Variants in OCSTAMP observed in about 807,000 individuals in gnomAD.
OCSTAMP encodes osteoclast stimulatory transmembrane protein.
A neutral mutation model predicts 25.2 loss-of-function variants in OCSTAMP; 17 were observed. The observed-to-expected ratio is 0.68, with a 90% confidence interval of 0.46 to 1.01. The LOEUF (loss-of-function observed/expected upper bound fraction) is 1.01, where lower values mean the gene tolerates loss of function less well. Among genes scored for constraint, OCSTAMP ranks in the 50% least tolerant of loss-of-function variants. The pLI is 0.00. For synonymous variants in OCSTAMP, 345 were observed against 318.9 expected (o/e 1.08, Z -0.87); for missense variants, 664 against 694.6 (o/e 0.96, Z 0.50).
At chr20:46,543,295 C>A (rs1403533189) in intron 2 of OCSTAMP, among the ~76,000 whole-genome samples, 2 of 90,336 alleles carry the variant, frequency 2.2e-5, no homozygotes, top group Non-Finnish European at 4.4e-5. Flanking sequence ...TTCTTTCTCT[C>A]TTTCTCTTTC....
At chr20:46,544,166 C>T (rs971460113) in intron 2 of OCSTAMP, among the ~76,000 whole-genome samples, 2 of 152,196 alleles carry the variant, frequency 1.3e-5, no homozygotes, top group African/African-American at 2.4e-5. Flanking sequence ...TTACAGTGAG[C>T]TGTGATTGCA....
Position 46,545,436 on chromosome 20 carries a change from G to A in OCSTAMP, c.938C>T (p.Thr313Met), listed in dbSNP as rs751853340. ...LGLLALLLVA[T>M]AVAVATDHVA... The stretch of plus-strand genomic sequence containing the variant: ...ATGGTCTGTGGCCACCGCCACAGCC[G>A]TGGCCACGAGGAGCAGGGCAAGCAG... The change falls in exon 2 of 3, where the codon ACG becomes ATG. Residue 313 changes from threonine to methionine, a missense_variant. Transcript: ENST00000279028. 72 of 1,550,834 alleles carry A rather than the reference G, an allele frequency of 4.6e-5. No individual in the cohort carries two copies. The Middle Eastern group carries it at 5.0e-4, about 11-fold the overall frequency.
At position 46,545,910 on chromosome 20, in the gene OCSTAMP, C is replaced by T. The variant is rs2061850478; in HGVS notation, c.464G>A (p.Gly155Asp). 6.4e-7 allele frequency: 1 copy of T among 1,551,310 alleles called. No individual in the cohort carries two copies. The highest frequency in any genetic ancestry group is 8.7e-7 in the Non-Finnish European group (1 of 1,146,986). Residue 155 changes from glycine to aspartate, a missense_variant, in exon 2 of 3, where the codon GGC becomes GAC. Gly to Asp is a moderately conservative substitution (Grantham distance 94). Coordinates refer to ENST00000279028, the MANE Select transcript of OCSTAMP (RefSeq NM_080721.3). Reference sequence around the variant, plus strand: ...GGTATTGAGGAGACTCTCCAGGGAGCCCTCGGTGACACACCTCAGCACCTG... The same window carrying T: ...GGTATTGAGGAGACTCTCCAGGGAGTCCTCGGTGACACACCTCAGCACCTG... ...AGQVLRCVTEGSLESLLNTTH... is the reference protein window; with the variant it reads ...AGQVLRCVTEDSLESLLNTTH...
intron 2 of OCSTAMP, among the ~76,000 whole-genome samples, chr20:46,543,183 C>CCT (rs1026924378): frequency 1.3e-4 from 20 of 151,152 alleles, no homozygotes; most frequent in African/African-American, 2.7e-4. Context: ...TTCGTCCCTC[C>CCT]CTCTCTCTCT....
chr20:46,545,828 G>T lies in OCSTAMP; in HGVS notation c.546C>A (p.Ser182Arg). The T allele has an allele frequency of 1.3e-6, 2 of 1,551,270 alleles. No homozygotes were observed. Among genetic ancestry groups the T allele is most frequent in the Non-Finnish European group, 1.7e-6 (2 of 1,146,992 alleles). Residue 182 changes from serine (S) to arginine (R), a missense_variant, in exon 2 of 3, where the codon AGC becomes AGA. Transcript: ENST00000279028. ...RALGPTGQAG[S>R]RGLTFEAQDN... ...CCTGGGCCTCAAATGTCAGGCCCCGGCTGCCTGCCTGGCCTGTGGGGCCCA... is the reference window on the plus strand; with the variant it reads ...CCTGGGCCTCAAATGTCAGGCCCCGTCTGCCTGCCTGGCCTGTGGGGCCCA...
chr20:46,541,680 G>C lies in OCSTAMP; in HGVS notation c.1295C>G (p.Ser432Cys). 1 of 1,550,368 alleles carries C rather than the reference G, an allele frequency of 6.5e-7. No homozygotes were observed. The change falls in exon 3 of 3, where the codon TCC becomes TGC. Residue 432 changes from serine (S) to cysteine (C), a missense_variant. Transcript: ENST00000279028. ...ARRLRHAIAA[S>C]FFTAQEARRV... ...CCTCGCCTCCTGGGCTGTGAAGAAGGAAGCGGCGATGGCATGCCGCAGGCG... is the reference window on the plus strand; with the variant it reads ...CCTCGCCTCCTGGGCTGTGAAGAAGCAAGCGGCGATGGCATGCCGCAGGCG...
chr20:46,546,248 T>C lies in OCSTAMP; in HGVS notation c.126A>G (p.Pro42=). 1.3e-6 allele frequency: 2 copies of C among 1,551,156 alleles called. No homozygotes were observed. Among genetic ancestry groups the C allele is most frequent in the South Asian group, 1.2e-5 (1 of 84,050 alleles). Residue 42 remains proline (P), a synonymous_variant, in exon 2 of 3, where the codon CCA becomes CCG. Coordinates refer to ENST00000279028, the MANE Select transcript of OCSTAMP (RefSeq NM_080721.3). ...AAWDAFSQPV[P]ASCGQLLTQL... ...GGGTCAGCAGCTGGCCACAGCTGGC[T>C]GGAACAGGCTGGGAGAAGGCGTCCC...
At chr20:46,547,439 G>T (rs2061856633) in intron 1 of OCSTAMP, among the ~76,000 whole-genome samples, 1 of 152,188 alleles carries the variant, frequency 6.6e-6, no homozygotes, top group Non-Finnish European at 1.5e-5. Flanking sequence ...GACATCCAAG[G>T]ACATGCCTCA....
chr20:46,541,871 C>T lies in OCSTAMP; in HGVS notation c.1104G>A (p.Glu368=). The part of the protein sequence containing the change: ...IPFLFNQLAP[E]SPFLSVHSSY... The stretch of plus-strand genomic sequence containing the variant: ...AGCTGTGGACGGAGAGGAAGGGGCT[C>T]TCCGGAGCCAGCTGGTTGAAGAGGA... Residue 368 remains glutamate (E), a synonymous_variant, in exon 3 of 3, where the codon GAG becomes GAA. Coordinates refer to ENST00000279028, the MANE Select transcript of OCSTAMP (RefSeq NM_080721.3). 1 of 1,464,828 alleles carries T rather than the reference C, an allele frequency of 6.8e-7. No individual in the cohort carries two copies. Among genetic ancestry groups the T allele is most frequent in the Non-Finnish European group, 9.0e-7 (1 of 1,112,352 alleles). 90.7% of individuals were successfully genotyped at this position (1,464,828 alleles called of 1,614,324 possible). A position where few individuals can be genotyped will look rare whatever the true frequency, so the allele number is the denominator to read the frequency against.
chr20:46,541,747 G>T lies in OCSTAMP; in HGVS notation c.1228C>A (p.Leu410Ile). 1 of 1,543,918 alleles carries T rather than the reference G, an allele frequency of 6.5e-7. No homozygotes were observed. Reference protein sequence around the residue: ...AAPLAAGALQLLAGSTVLLEA... With the variant: ...AAPLAAGALQILAGSTVLLEA... The stretch of plus-strand genomic sequence containing the variant: ...AGGAGCACCGTGGAGCCCGCCAGGA[G>T]CTGCAGGGCCCCCGCGGCCAGCGGG... Residue 410 changes from leucine to isoleucine, a missense_variant, in exon 3 of 3, where the codon CTC (leucine) becomes ATC (isoleucine). Physicochemically the swap from Leu to Ile is conservative, Grantham distance 5 (BLOSUM62 2). Coordinates refer to ENST00000279028, the MANE Select transcript of OCSTAMP (RefSeq NM_080721.3).
In OCSTAMP at chr20:46,545,858, C is replaced by T. The variant is rs1231491364; in HGVS notation, c.516G>A (p.Arg172=). The part of the protein sequence containing the change: ...NTTHQLHAAS[R]ALGPTGQAGS... Reference sequence around the variant, plus strand: ...CTGCCTGGCCTGTGGGGCCCAGAGCCCTGGATGCTGCATGCAGCTGGTGAG... The same window carrying T: ...CTGCCTGGCCTGTGGGGCCCAGAGCTCTGGATGCTGCATGCAGCTGGTGAG... The change falls in exon 2 of 3, where the codon AGG becomes AGA. Residue 172 remains arginine, a synonymous_variant. Transcript: ENST00000279028. The T allele has an allele frequency of 6.4e-7, 1 of 1,551,348 alleles. No homozygotes were observed. The highest frequency in any genetic ancestry group is 8.7e-7 in the Non-Finnish European group (1 of 1,146,986).
Position 46,545,618 on chromosome 20 carries a change from C to G in OCSTAMP, c.756G>C (p.Leu252=), listed in dbSNP as rs2061849160. 1 of 1,551,610 alleles carries G rather than the reference C, an allele frequency of 6.4e-7. No individual in the cohort carries two copies. Among genetic ancestry groups the G allele is most frequent in the African/African-American group, 1.4e-5 (1 of 73,048 alleles). The change falls in exon 2 of 3, where the codon CTG becomes CTC. Residue 252 remains leucine (L), a synonymous_variant. Transcript: ENST00000279028. The part of the protein sequence containing the change: ...AWYLHCYLTD[L]RFDNIYATQQ... ...GAGTGGCGTAGATATTGTCAAACCG[C>G]AGGTCTGTCAGGTAGCAATGGAGGT...
Position 46,550,553 on chromosome 20 carries a change from C to G in OCSTAMP, c.8G>C (p.Gly3Ala). The change falls in exon 1 of 3, where the codon GGC becomes GCC. Residue 3 changes from glycine to alanine, a missense_variant. Transcript: ENST00000279028. Reference sequence around the variant, plus strand: ...AAGTTGCTCAGCTGCTCCTGGGTGGCCTGGCATGCTGTCCAAATGGCAGTG... The same window carrying G: ...AAGTTGCTCAGCTGCTCCTGGGTGGGCTGGCATGCTGTCCAAATGGCAGTG... The part of the protein sequence containing the change: MP[G>A]HPGAAEQLVK... 2 of 1,551,670 alleles carry G rather than the reference C, an allele frequency of 1.3e-6. No individual in the cohort carries two copies. Among genetic ancestry groups the G allele is most frequent in the Non-Finnish European group, 1.7e-6 (2 of 1,146,960 alleles).
At chr20:46,546,617 A>G (rs745557188) in intron 1 of OCSTAMP, among the ~76,000 whole-genome samples, 3 of 152,188 alleles carry the variant, frequency 2.0e-5, no homozygotes, top group Non-Finnish European at 4.4e-5. Flanking sequence ...TGAGTCCATT[A>G]TTACAGTTTT....
Position 46,541,797 on chromosome 20 carries a change from G to A in OCSTAMP, c.1178C>T (p.Pro393Leu), listed in dbSNP as rs758104696. 3.4e-6 allele frequency: 5 copies of A among 1,490,508 alleles called. No homozygotes were observed. The highest frequency in any genetic ancestry group is 4.4e-6 in the Non-Finnish European group (5 of 1,124,154). 92.3% of individuals were successfully genotyped at this position (1,490,508 alleles called of 1,614,324 possible). The change falls in exon 3 of 3, where the codon CCC (proline) becomes CTC (leucine). Residue 393 changes from proline (P) to leucine (L), a missense_variant. Transcript: ENST00000279028. Reference protein sequence around the residue: ...RLTSARCPLLPARRPRAAAPL... With the variant: ...RLTSARCPLLLARRPRAAAPL... Reference sequence around the variant, plus strand: ...GGCAGCTGCGCGGGGACGCCGGGCGGGTAGCAGTGGGCAGCGGGCGGAGGT... The same window carrying A: ...GGCAGCTGCGCGGGGACGCCGGGCGAGTAGCAGTGGGCAGCGGGCGGAGGT...
chr20:46,546,038 G>T lies in OCSTAMP; in HGVS notation c.336C>A (p.Thr112=), dbSNP rs934763384. 1.3e-6 allele frequency: 2 copies of T among 1,551,550 alleles called. No individual in the cohort carries two copies. The highest frequency in any genetic ancestry group is 2.7e-5 in the African/African-American group (2 of 73,176). Residue 112 remains threonine, a synonymous_variant, in exon 2 of 3, where the codon ACC becomes ACA. Transcript: ENST00000279028. ...GCCGGCGGCCCTGCTCCATACCCAGGGTGGGCACGCTGAGTGCAAACAGGC... is the reference window on the plus strand; with the variant it reads ...GCCGGCGGCCCTGCTCCATACCCAGTGTGGGCACGCTGAGTGCAAACAGGC... ...VRCLFALSVP[T]LGMEQGRRLL... is the part of the protein sequence containing the mutation.
At chr20:46,549,688 G>A (rs2061864284) in intron 1 of OCSTAMP, among the ~76,000 whole-genome samples, 1 of 152,100 alleles carries the variant, frequency 6.6e-6, no homozygotes, top group Non-Finnish European at 1.5e-5. Flanking sequence ...ATAGGGAGTT[G>A]GGAGAACCAG....
chr20:46,549,654 G>C (rs2061864180), intron 1 of OCSTAMP, among the ~76,000 whole-genome samples: 2 of 152,114 alleles, frequency 1.3e-5, no homozygotes, highest in Non-Finnish European at 2.9e-5. Context: ...GTGTGCAAAG[G>C]TCCTGTGCTC....
At position 46,545,912 on chromosome 20, in the gene OCSTAMP, C is replaced by G. The variant is rs1284344892; in HGVS notation, c.462G>C (p.Glu154Asp). 1.3e-6 allele frequency: 2 copies of G among 1,551,354 alleles called. No homozygotes were observed. The highest frequency in any genetic ancestry group is 1.7e-6 in the Non-Finnish European group (2 of 1,146,992). Residue 154 changes from glutamate (E) to aspartate (D), a missense_variant, in exon 2 of 3, where the codon GAG becomes GAC. Physicochemically the swap from Glu to Asp is conservative, Grantham distance 45. Transcript: ENST00000279028. ...AAGQVLRCVT[E>D]GSLESLLNTT... ...TATTGAGGAGACTCTCCAGGGAGCC[C>G]TCGGTGACACACCTCAGCACCTGCC... is the stretch of plus-strand genomic sequence containing the variant.
Sources: allele counts gnomAD v4.1 joint callset (sites outside exome capture counted in the v4.1 genomes callset), GRCh38; gene constraint gnomAD v4.1.1; transcripts MANE v1.5; gene names NCBI Gene and HGNC (gene_info 2026-07-23, HGNC 2026-07-21).